PCDH11X: variants seen among roughly 807,000 people sequenced by gnomAD.
PCDH11X encodes protocadherin 11 X-linked.
Under a neutral mutation model 53.3 loss-of-function variants are expected in PCDH11X, and 18 were observed. That is an observed-to-expected ratio of 0.34 (90% CI 0.23 to 0.50). The LOEUF (loss-of-function observed/expected upper bound fraction) is 0.50, where lower values mean the gene tolerates loss of function less well. Ranked by LOEUF, PCDH11X falls within the 20% of genes least tolerant of loss-of-function variation. PCDH11X has a pLI of 0.98. For synonymous variants in PCDH11X, 279 were observed against 393.3 expected, an observed-to-expected ratio of 0.71 and a Z score of 3.44; for missense variants, 570 against 1,032.4, an observed-to-expected ratio of 0.55 and a Z score of 6.14.
intron 7 of PCDH11X, among the ~76,000 whole-genome samples, chrX:92,206,019 A>T (rs1199776307): frequency 8.9e-6 from 1 of 112,305 alleles, no homozygotes; most frequent in Non-Finnish European, 1.9e-5. Flanking sequence ...TCTGTTAACA[A>T]AGATAAAATC....
chrX:92,204,292 C>A (rs769400120), intron 7 of PCDH11X, among the ~76,000 whole-genome samples: 2 of 111,970 alleles, frequency 1.8e-5, no homozygotes, highest in African/African-American at 6.5e-5. Context: ...TCTATCATAT[C>A]GTCAGGCTTA....
At chrX:92,539,460 C>G (rs2074720068) in intron 10 of PCDH11X, among the ~76,000 whole-genome samples, 3 of 111,153 alleles carry the variant, frequency 2.7e-5, no homozygotes, top group Admixed American at 9.6e-5. Flanking sequence ...ATTTCAATCT[C>G]TTTGTTAAAT....
chrX:91,795,598 A>C (rs1602838028), intron 1 of PCDH11X, among the ~76,000 whole-genome samples: 1 of 111,441 alleles, frequency 9.0e-6, no homozygotes, highest in East Asian at 2.8e-4. Context: ...TTCTGAATGA[A>C]ACTTAAATTT....
chrX:92,271,987 G>A (rs1039426057), intron 8 of PCDH11X, among the ~76,000 whole-genome samples: 2 of 112,088 alleles, frequency 1.8e-5, no homozygotes, highest in African/African-American at 6.5e-5. Context: ...GGAGGCGGAT[G>A]AAATTTGACA....
At chrX:92,102,743 A>C (rs1413843245) in intron 6 of PCDH11X, among the ~76,000 whole-genome samples, 1 of 111,272 alleles carries the variant, frequency 9.0e-6, no homozygotes, top group African/African-American at 3.3e-5. Context: ...CTAGAACAGA[A>C]TAATGGGTAG....
chrX:91,885,643 C>G (rs1003530810), intron 6 of PCDH11X, among the ~76,000 whole-genome samples: 1 of 110,763 alleles, frequency 9.0e-6, no homozygotes, highest in Non-Finnish European at 1.9e-5. Context: ...GTTTTTCTTC[C>G]ATTTCAGTGA....
chrX:92,155,901 T>C (rs1429850839), intron 6 of PCDH11X, among the ~76,000 whole-genome samples: 1 of 108,544 alleles, frequency 9.2e-6, no homozygotes, highest in Non-Finnish European at 1.9e-5. Context: ...GCCCTGGGAT[T>C]ACAGGCGTGA....
intron 6 of PCDH11X, among the ~76,000 whole-genome samples, chrX:92,126,427 A>G (rs751285233): frequency 4.1e-4 from 45 of 110,598 alleles, no homozygotes; most frequent in African/African-American, 1.4e-3. Context: ...CCTGAACAAC[A>G]TGGAGAAACC....
Position 92,147,963 on chromosome X carries a change from CCCTT to C in PCDH11X, c.3034-53391_3034-53388del, listed in dbSNP as rs750116403. ...TCTTCCTTCCTTCCTTTCCTTCTTT[CCCTT>C]CCTTCCTTCCTTCCTTCCTTTCTTT... On this transcript the variant is annotated intron_variant, in intron 6 of 10. Transcript: ENST00000682573. 0.01 allele frequency among the ~76,000 whole-genome samples: 814 copies of C among 80,231 alleles called. 72 individuals carry two copies. In the East Asian group the frequency reaches 0.21, roughly 21 times the overall value. 69.7% of individuals were successfully genotyped at this position (80,231 alleles called of 115,157 possible).
intron 7 of PCDH11X, among the ~76,000 whole-genome samples, chrX:92,219,497 G>T: frequency 9.1e-6 from 1 of 110,282 alleles, no homozygotes. Context: ...CAAGGGACGT[G>T]AAGGCCCTCT....
chrX:92,209,200 G>T (rs2066535318), intron 7 of PCDH11X, among the ~76,000 whole-genome samples: 1 of 111,500 alleles, frequency 9.0e-6, no homozygotes, highest in African/African-American at 3.3e-5. Context: ...TGCCTTCCCA[G>T]CAGGCCCCTA....
intron 5 of PCDH11X, among the ~76,000 whole-genome samples, chrX:91,838,685 A>G (rs993417945): frequency 9.1e-6 from 1 of 109,342 alleles, no homozygotes; most frequent in Non-Finnish European, 1.9e-5. Context: ...AATTTCTTTT[A>G]AAAATCCCTT....
At chrX:91,809,736 A>G (rs1479447822) in intron 2 of PCDH11X, among the ~76,000 whole-genome samples, 102 bp downstream of exon 2, 3 of 107,508 alleles carry the variant, frequency 2.8e-5, no homozygotes, top group Non-Finnish European at 5.8e-5. Context: ...CGGCTACCAT[A>G]TTGGACCATG....
chrX:92,192,712 A>G (rs1430803327), intron 6 of PCDH11X, among the ~76,000 whole-genome samples: 1 of 108,865 alleles, frequency 9.2e-6, no homozygotes, highest in Non-Finnish European at 1.9e-5. Flanking sequence ...GCTAGAGTAG[A>G]CCCGGGTTAT....
intron 8 of PCDH11X, among the ~76,000 whole-genome samples, chrX:92,337,561 A>T (rs985502132): frequency 3.6e-5 from 4 of 110,814 alleles, no homozygotes; most frequent in Non-Finnish European, 7.5e-5. Context: ...AGTAAAGTTC[A>T]TAATCAATTA....
chrX:91,892,939 A>C (rs772389353), intron 6 of PCDH11X, among the ~76,000 whole-genome samples: 1 of 110,293 alleles, frequency 9.1e-6, no homozygotes, highest in Admixed American at 9.7e-5. Flanking sequence ...GGCGTGAGCC[A>C]CCACGCCCGG....
chrX:92,469,403 G>A (rs1603338010), intron 10 of PCDH11X, among the ~76,000 whole-genome samples: 1 of 111,279 alleles, frequency 9.0e-6, no homozygotes, highest in South Asian at 3.7e-4. Context: ...ATAATGAAAT[G>A]TGATCTCATT....
chrX:92,232,616 T>A (rs1223560913), intron 7 of PCDH11X, among the ~76,000 whole-genome samples: 1 of 112,341 alleles, frequency 8.9e-6, no homozygotes, highest in Non-Finnish European at 1.9e-5. Flanking sequence ...TTTTTTCAGA[T>A]CCTATAGACA....
intron 10 of PCDH11X, among the ~76,000 whole-genome samples, chrX:92,606,615 C>T (rs1249427745): frequency 1.8e-5 from 2 of 109,228 alleles, no homozygotes; most frequent in Admixed American, 2.0e-4. Context: ...TTGCATTAAG[C>T]AAAGTTTTCT....
Sources: gnomAD v4.1 joint callset for allele counts (sites outside exome capture counted in the v4.1 genomes callset) on GRCh38, gnomAD v4.1.1 for gene constraint, MANE v1.5 for transcripts, NCBI Gene and HGNC (gene_info 2026-07-23, HGNC 2026-07-21) for gene names.